RAD54B: variants seen among roughly 807,000 people sequenced by gnomAD.
The protein encoded by RAD54B is RAD54 homolog B, also known as DNA repair and recombination protein RAD54B.
In RAD54B, 78 loss-of-function variants were observed where a neutral mutation model predicts 95.8. The observed-to-expected ratio is 0.81, with a 90% confidence interval of 0.68 to 0.98. The LOEUF (loss-of-function observed/expected upper bound fraction) is 0.98, where lower values mean the gene tolerates loss of function less well. Ranked by LOEUF, RAD54B falls within the 50% of genes least tolerant of loss-of-function variation. The probability of loss-of-function intolerance (pLI) is 0.00; values close to 1 mark genes in which losing one functional copy is unlikely to be tolerated. For missense variants in RAD54B, 957 were observed against 1,056.6 expected (o/e 0.91, Z 1.31); for synonymous variants, 328 against 354.9 (o/e 0.92, Z 0.85).
chr8:94,441,366 T>C (rs1586026008), intron 3 of RAD54B, among the ~76,000 whole-genome samples: 2 of 152,180 alleles, frequency 1.3e-5, no homozygotes, highest in Admixed American at 1.3e-4. Context: ...AAGCTTCAAG[T>C]TGGGGTTCCC....
intron 14 of RAD54B, among the ~76,000 whole-genome samples, chr8:94,374,072 G>T (rs1217854074): frequency 6.6e-6 from 1 of 152,178 alleles, no homozygotes; most frequent in Non-Finnish European, 1.5e-5. Context: ...GAGGTCAGGT[G>T]ATCGAGACCA....
rs1811323456 is a variant in RAD54B at position 94,404,079 on chromosome 8, C to G, written c.942G>C (p.Met314Ile). ...IIFLYECVMGMRMNGRCGAIL... is the reference protein window; with the variant it reads ...IIFLYECVMGIRMNGRCGAIL... ...AAACAAATGATTTATTTTCCTACCT[C>G]ATTCCCATTACACATTCATAAAGGA... The change falls in exon 6 of 15, where the codon ATG (methionine) becomes ATC (isoleucine). Residue 314 changes from methionine (M) to isoleucine (I), a missense_variant and splice_region_variant. By Grantham distance (10) the Met-to-Ile change is conservative. Transcript: ENST00000336148. The G allele has an allele frequency of 5.7e-6, 9 of 1,590,164 alleles. No individual in the cohort carries two copies. Among genetic ancestry groups the G allele is most frequent in the Non-Finnish European group, 6.8e-6 (8 of 1,168,410 alleles).
intron 1 of RAD54B, among the ~76,000 whole-genome samples, chr8:94,468,368 G>A (rs1042562412): frequency 9.2e-5 from 14 of 152,084 alleles, no homozygotes; most frequent in African/African-American, 3.4e-4. Flanking sequence ...GCTGTGCCAG[G>A]CAGGCCGTCT....
chr8:94,445,590 A>G (rs1204821031), intron 3 of RAD54B, among the ~76,000 whole-genome samples: 1 of 152,214 alleles, frequency 6.6e-6, no homozygotes, highest in Non-Finnish European at 1.5e-5. Flanking sequence ...GTAAGCAGAT[A>G]AATACTGAAT....
At chr8:94,459,189 T>TCA (rs1198860831) in intron 2 of RAD54B, among the ~76,000 whole-genome samples, 1 of 152,100 alleles carries the variant, frequency 6.6e-6, no homozygotes, top group East Asian at 1.9e-4. Flanking sequence ...CTCGGTCTGG[T>TCA]ACCCAGGCTG....
intron 3 of RAD54B, chr8:94,430,046 G>A: frequency 1.0e-6 from 1 of 984,112 alleles, no homozygotes; most frequent in Non-Finnish European, 1.2e-6. Flanking sequence ...GGGCACGGTG[G>A]CTCAAGCCTG....
intron 3 of RAD54B, among the ~76,000 whole-genome samples, chr8:94,412,245 A>G (rs1044128260): frequency 3.6e-4 from 55 of 152,276 alleles, no homozygotes; most frequent in African/African-American, 1.3e-3. Context: ...CTGTGTACCT[A>G]TACCAAGAAG....
chr8:94,380,254 A>G lies in RAD54B; in HGVS notation c.2138T>C (p.Phe713Ser), dbSNP rs769658383. 7 of 1,613,928 alleles carry G rather than the reference A, an allele frequency of 4.3e-6. No individual in the cohort carries two copies. In the African/African-American group the frequency reaches 6.7e-5, roughly 15 times the overall value. The change falls in exon 12 of 15, where the codon TTT becomes TCT. Residue 713 changes from phenylalanine to serine, a missense_variant. By Grantham distance (155) the Phe-to-Ser change is radical. Coordinates refer to ENST00000336148, the MANE Select transcript of RAD54B (RefSeq NM_012415.3). Reference protein sequence around the residue: ...VDGFNSQHSSFFIFLLSSKAG... With the variant: ...VDGFNSQHSSSFIFLLSSKAG... ...TTTTGAACTTAACAAAAAAATAAAA[A>G]AAGAAGAGTGTTGACTGTTAAAGCC...
intron 3 of RAD54B, among the ~76,000 whole-genome samples, chr8:94,445,141 G>T (rs1812490198): frequency 1.3e-5 from 2 of 152,118 alleles, no homozygotes; most frequent in African/African-American, 4.8e-5. Flanking sequence ...TGTCTGGTAA[G>T]GGCCCATTTC....
chr8:94,393,295 G>C (rs1423071032), intron 9 of RAD54B: 1 of 155,636 alleles, frequency 6.4e-6, no homozygotes, highest in Non-Finnish European at 1.4e-5. Flanking sequence ...GGAGACTCTT[G>C]TCTACACTTG....
intron 3 of RAD54B, among the ~76,000 whole-genome samples, chr8:94,442,315 T>C (rs531779349): frequency 7.9e-5 from 12 of 151,986 alleles, no homozygotes; most frequent in Admixed American, 2.6e-4. Flanking sequence ...GGCTCACGCC[T>C]GTAATCCCAG....
chr8:94,407,345 A>T (rs1419928312), intron 5 of RAD54B, 94 bp downstream of exon 5: 1 of 1,278,038 alleles, frequency 7.8e-7, no homozygotes, highest in Non-Finnish European at 1.1e-6. Flanking sequence ...ACTTTCACCT[A>T]AAACTTTTAA....
chr8:94,468,942 T>A (rs967095102), intron 1 of RAD54B, among the ~76,000 whole-genome samples: 3 of 151,648 alleles, frequency 2.0e-5, no homozygotes, highest in African/African-American at 7.3e-5. Flanking sequence ...CTGGGCAACA[T>A]AGCAGCAAGA....
At chr8:94,408,236 A>G (rs1010616737) in intron 4 of RAD54B, among the ~76,000 whole-genome samples, 1 of 152,176 alleles carries the variant, frequency 6.6e-6, no homozygotes, top group African/African-American at 2.4e-5. Context: ...ACTCTTTAAT[A>G]AAACATGGAA....
At chr8:94,435,940 A>C (rs1353905910) in intron 3 of RAD54B, among the ~76,000 whole-genome samples, 1 of 152,168 alleles carries the variant, frequency 6.6e-6, no homozygotes, top group East Asian at 1.9e-4. Flanking sequence ...TAAACGTGTT[A>C]GAAAAATAAT....
chr8:94,395,939 T>A (rs913494269), intron 8 of RAD54B, among the ~76,000 whole-genome samples: 4 of 152,180 alleles, frequency 2.6e-5, no homozygotes, highest in African/African-American at 9.7e-5. Context: ...TAAGCACATC[T>A]GATTCAGATC....
chr8:94,384,105 C>T (rs1810810771), intron 11 of RAD54B, among the ~76,000 whole-genome samples: 1 of 151,932 alleles, frequency 6.6e-6, no homozygotes, highest in Admixed American at 6.6e-5. Context: ...ACATTGTGCA[C>T]ATGTACCCTA....
intron 3 of RAD54B, chr8:94,427,878 A>G (rs769416217): frequency 2.9e-5 from 28 of 956,014 alleles, no homozygotes; most frequent in Non-Finnish European, 3.5e-5. Flanking sequence ...AAAAAAACTC[A>G]TAGTTTAAAC....
chr8:94,429,120 CAA>C, intron 3 of RAD54B: 3 of 984,930 alleles, frequency 3.0e-6, no homozygotes, highest in Non-Finnish European at 2.4e-6. Context: ...GCAGTAAACT[CAA>C]AGAGTGTGAT....
Sources: allele counts gnomAD v4.1 joint callset (sites outside exome capture counted in the v4.1 genomes callset), GRCh38; gene constraint gnomAD v4.1.1; transcripts MANE v1.5; gene names NCBI Gene and HGNC (gene_info 2026-07-23, HGNC 2026-07-21).